IMPG1: variants seen among roughly 807,000 people sequenced by gnomAD.
The protein encoded by IMPG1 is interphotoreceptor matrix proteoglycan 1.
IMPG1 carries 85 observed loss-of-function variants against 92.0 expected under a neutral mutation model. That is an observed-to-expected ratio of 0.92 (90% confidence interval 0.78 to 1.11). IMPG1 has a LOEUF of 1.11. Ranked by LOEUF, IMPG1 falls within the 50% of genes least tolerant of loss-of-function variation. The probability of loss-of-function intolerance (pLI) is 0.00; values close to 1 mark genes in which losing one functional copy is unlikely to be tolerated. For synonymous variants in IMPG1, 367 were observed against 334.1 expected, an observed-to-expected ratio of 1.10 and a Z score of -1.08; for missense variants, 1,022 against 956.0, an observed-to-expected ratio of 1.07 and a Z score of -0.91.
At chr6:75,935,054 G>A in intron 14 of IMPG1, 1 of 469,230 alleles carries the variant, frequency 2.1e-6, no homozygotes, top group South Asian at 1.6e-5. Flanking sequence ...TCTCTCTTTC[G>A]TGGACGTTTT....
At chr6:76,036,533 T>C (rs556851883) in intron 2 of IMPG1, among the ~76,000 whole-genome samples, 12 of 152,346 alleles carry the variant, frequency 7.9e-5, no homozygotes, top group African/African-American at 2.9e-4. Flanking sequence ...GAAATTTCTT[T>C]TTACATATAA....
At chr6:76,013,873 C>A (rs1783235245) in intron 7 of IMPG1, among the ~76,000 whole-genome samples, 1 of 152,212 alleles carries the variant, frequency 6.6e-6, no homozygotes, top group South Asian at 2.1e-4. Context: ...TTACACTGGG[C>A]TTTAGACTGC....
intron 1 of IMPG1, among the ~76,000 whole-genome samples, chr6:76,045,861 A>G (rs1783931442): frequency 6.6e-6 from 1 of 152,164 alleles, no homozygotes; most frequent in South Asian, 2.1e-4. Context: ...TTTGGTTTAT[A>G]TAAGTATTTG....
intron 14 of IMPG1, among the ~76,000 whole-genome samples, chr6:75,946,494 C>A (rs936794493): frequency 2.0e-5 from 3 of 152,098 alleles, no homozygotes; most frequent in Admixed American, 1.3e-4. Flanking sequence ...AATCAGGAGC[C>A]CTCCCTGACT....
chr6:75,974,331 CT>C (rs1215196440), intron 12 of IMPG1, among the ~76,000 whole-genome samples: 1 of 31,018 alleles, frequency 3.2e-5, no homozygotes, highest in South Asian at 1.1e-3. Flanking sequence ...CTTTCTTTCC[CT>C]TTCTTTCTTT....
rs1782074522 is a variant in IMPG1, at chr6:75,953,826, T to C, written c.1292-2732A>G. On this transcript the variant is annotated intron_variant, in intron 12 of 16. Coordinates refer to ENST00000369950, the MANE Select transcript of IMPG1 (RefSeq NM_001563.4). Reference sequence around the variant, plus strand: ...CCCTCCCTGTGTCCATGTGTTCTCATTGTTCATCTCCTACTTATGAGTGAG... The same window carrying C: ...CCCTCCCTGTGTCCATGTGTTCTCACTGTTCATCTCCTACTTATGAGTGAG... Among the ~76,000 whole-genome samples the C allele has an allele frequency of 2.6e-5, 4 of 152,102 alleles. No homozygotes were observed. The South Asian group carries it at 8.3e-4, about 32-fold the overall frequency.
rs75165819 is a variant in IMPG1, at chr6:75,945,253, G to A, written c.2044+2061C>T. Among the ~76,000 whole-genome samples, 1,165 of 151,894 alleles carry A rather than the reference G, an allele frequency of 7.7e-3. 16 individuals are homozygous for A. Among genetic ancestry groups the A allele is most frequent in the African/African-American group, 0.026 (1,074 of 41,408 alleles). ...AATAGTAACTACTAATGTTTATTAA[G>A]TAACTAGAATTTGTCAAGTGCTATA... On this transcript the variant is annotated intron_variant, in intron 14 of 16. Coordinates refer to ENST00000369950, the MANE Select transcript of IMPG1 (RefSeq NM_001563.4).
intron 13 of IMPG1, among the ~76,000 whole-genome samples, chr6:75,947,893 C>G (rs1004351320): frequency 1.3e-5 from 2 of 151,832 alleles, no homozygotes; most frequent in Non-Finnish European, 2.9e-5. Flanking sequence ...AAAATATGTT[C>G]CAAACTGAGC....
At chr6:75,996,303 G>A (rs1248261562) in intron 12 of IMPG1, among the ~76,000 whole-genome samples, 7 of 152,168 alleles carry the variant, frequency 4.6e-5, no homozygotes, top group East Asian at 3.9e-4. Flanking sequence ...ATGGCTTCAA[G>A]GTGAGATAAA....
intron 12 of IMPG1, among the ~76,000 whole-genome samples, chr6:75,982,751 G>A (rs1027889201): frequency 2.6e-5 from 4 of 151,850 alleles, no homozygotes; most frequent in African/African-American, 9.7e-5. Context: ...TTTAACTATG[G>A]TTTGAAGAGA....
intron 14 of IMPG1, among the ~76,000 whole-genome samples, chr6:75,936,821 G>T (rs1442893209): frequency 6.6e-6 from 1 of 152,212 alleles, no homozygotes; most frequent in Non-Finnish European, 1.5e-5. Context: ...CACTGGGGGA[G>T]CTGGGAGGAG....
chr6:76,009,046 A>G (rs1783142757), intron 8 of IMPG1, among the ~76,000 whole-genome samples: 1 of 152,170 alleles, frequency 6.6e-6, no homozygotes, highest in Non-Finnish European at 1.5e-5. Context: ...GTGTATTCCA[A>G]TAGTTCATTT....
intron 6 of IMPG1, among the ~76,000 whole-genome samples, chr6:76,019,206 C>A (rs967311207): frequency 6.6e-6 from 1 of 152,106 alleles, no homozygotes; most frequent in Non-Finnish European, 1.5e-5. Context: ...CACTAAGGGC[C>A]AAGAGGTCAT....
intron 12 of IMPG1, among the ~76,000 whole-genome samples, chr6:75,962,505 A>G (rs1782226754): frequency 6.6e-6 from 1 of 152,158 alleles, no homozygotes; most frequent in African/African-American, 2.4e-5. Flanking sequence ...AAACTACTGG[A>G]TGAAATGTTC....
At chr6:76,009,489 G>A (rs1783149514) in intron 8 of IMPG1, among the ~76,000 whole-genome samples, 1 of 152,140 alleles carries the variant, frequency 6.6e-6, no homozygotes, top group South Asian at 2.1e-4. Flanking sequence ...TTAATAACAT[G>A]TTTACTTTAT....
At chr6:76,067,437 A>T (rs1340064423) in intron 1 of IMPG1, among the ~76,000 whole-genome samples, 1 of 152,194 alleles carries the variant, frequency 6.6e-6, no homozygotes, top group Non-Finnish European at 1.5e-5. Context: ...GAAAACCGAG[A>T]GGAAATGGAT....
In IMPG1 at chr6:76,005,493, C is replaced by A. The variant is rs778646988; in HGVS notation, c.929G>T (p.Arg310Ile). The A allele has an allele frequency of 3.7e-6, 6 of 1,613,934 alleles. 1 individual carries two copies. In the South Asian group the frequency reaches 4.4e-5, roughly 12 times the overall value. ...AGGGCTTTTTGCTTCTGCACTGTGT[C>A]TCTTAAAGATGGCCGTAAGTTGCAT... ...TEMQLTAIFK[R>I]HSAEAKSPAS... is the part of the protein sequence containing the mutation. The change falls in exon 10 of 17, where the codon AGA (arginine) becomes ATA (isoleucine). Residue 310 changes from arginine to isoleucine, a missense_variant. Arg to Ile is a moderately conservative substitution (Grantham distance 97, BLOSUM62 -3). Transcript: ENST00000369950.
intron 15 of IMPG1, among the ~76,000 whole-genome samples, chr6:75,929,115 G>A (rs1182775168): frequency 6.6e-6 from 1 of 152,168 alleles, no homozygotes; most frequent in Non-Finnish European, 1.5e-5. Context: ...TATTCTTGTA[G>A]AAATAATTGT....
At chr6:75,948,661 G>A (rs1287041779) in intron 13 of IMPG1, among the ~76,000 whole-genome samples, 1 of 152,158 alleles carries the variant, frequency 6.6e-6, no homozygotes, top group Non-Finnish European at 1.5e-5. Context: ...TTGGCCTGGG[G>A]TAGAGATTCC....
Sources: gnomAD v4.1 joint callset for allele counts (sites outside exome capture counted in the v4.1 genomes callset) on GRCh38, gnomAD v4.1.1 for gene constraint, MANE v1.5 for transcripts, NCBI Gene and HGNC (gene_info 2026-07-23, HGNC 2026-07-21) for gene names.